HSD17B6: variants seen among roughly 807,000 people sequenced by gnomAD.
HSD17B6 encodes hydroxysteroid 17-beta dehydrogenase 6, also known as 17-beta-hydroxysteroid dehydrogenase type 6.
HSD17B6 carries 16 observed loss-of-function variants against 26.4 expected under a neutral mutation model. The observed-to-expected ratio is 0.61, with a 90% CI of 0.41 to 0.92. The LOEUF is 0.92. HSD17B6 is among the 40% of genes least tolerant of loss of function. The probability of loss-of-function intolerance (pLI) is 0.00; values close to 1 mark genes in which losing one functional copy is unlikely to be tolerated. For synonymous variants in HSD17B6, 139 were observed against 153.0 expected, an observed-to-expected ratio of 0.91 and a Z score of 0.68; for missense variants, 357 against 386.1, an observed-to-expected ratio of 0.92 and a Z score of 0.63.
chr12:56,769,505 T>A (rs956118067), intron 1 of HSD17B6, among the ~76,000 whole-genome samples: 2 of 152,150 alleles, frequency 1.3e-5, no homozygotes, highest in African/African-American at 4.8e-5. Flanking sequence ...CCTATGCATG[T>A]GTGATTATGA....
chr12:56,763,982 T>A (rs1416688726), intron 1 of HSD17B6, among the ~76,000 whole-genome samples: 3 of 139,316 alleles, frequency 2.2e-5, no homozygotes, highest in Non-Finnish European at 4.5e-5. Flanking sequence ...GGTGGGAGGA[T>A]CACCTGAGCC....
rs1331081069 is a variant in HSD17B6, at chr12:56,787,226, C to G, written c.838C>G (p.Arg280Gly). The G allele has an allele frequency of 8.7e-6, 14 of 1,614,116 alleles. No individual in the cohort carries two copies. In the South Asian group the frequency reaches 1.4e-4, roughly 16 times the overall value. ...TCTGACATCGGTGCATCCGCGAACTCGATATTCAGCTGGCTGGGATGCTAA... is the reference window on the plus strand; with the variant it reads ...TCTGACATCGGTGCATCCGCGAACTGGATATTCAGCTGGCTGGGATGCTAA... ...HALTSVHPRT[R>G]YSAGWDAKFF... Residue 280 changes from arginine to glycine, a missense_variant, in exon 5 of 5, where the codon CGA (arginine) becomes GGA (glycine). Arg to Gly is a moderately radical substitution (Grantham distance 125, BLOSUM62 -2). Transcript: ENST00000322165.
At chr12:56,775,834 G>A (rs371106797) in intron 2 of HSD17B6, among the ~76,000 whole-genome samples, 2 of 152,038 alleles carry the variant, frequency 1.3e-5, no homozygotes, top group Middle Eastern at 6.3e-3. Flanking sequence ...AAAGTCCCTC[G>A]TGCTTTACAT....
At chr12:56,779,455 AT>A (rs1215030129) in intron 2 of HSD17B6, among the ~76,000 whole-genome samples, 14 of 152,040 alleles carry the variant, frequency 9.2e-5, no homozygotes, top group Admixed American at 6.6e-5. Flanking sequence ...TTATGTTTGG[AT>A]TTATTTCTTT....
chr12:56,771,448 A>ATTTTTTTTTTTTTTTTT, intron 1 of HSD17B6, among the ~76,000 whole-genome samples: 1 of 93,328 alleles, frequency 1.1e-5, no homozygotes, highest in Non-Finnish European at 2.1e-5. Flanking sequence ...AAGGGTTGCA[A>ATTTTTTTTTTTTTTTTT]TTTTTTTTTT....
At chr12:56,782,578 C>A (rs1054238281) in intron 3 of HSD17B6, among the ~76,000 whole-genome samples, 2 of 152,104 alleles carry the variant, frequency 1.3e-5, no homozygotes, top group Non-Finnish European at 2.9e-5. Flanking sequence ...ATTGCAGCCT[C>A]AACCTCCTGG....
intron 1 of HSD17B6, among the ~76,000 whole-genome samples, chr12:56,765,653 A>G (rs1954310495): frequency 1.3e-5 from 2 of 148,760 alleles, no homozygotes; most frequent in African/African-American, 2.5e-5. Context: ...CTGGGACTAC[A>G]GGCACTCCCC....
rs377086431 is a variant in HSD17B6 at position 56,767,825 on chromosome 12, GTATA to G, written c.-20+4415_-20+4418del. Among the ~76,000 whole-genome samples, 53 of 145,966 alleles carry G rather than the reference GTATA, an allele frequency of 3.6e-4. 1 individual carries two copies. In the South Asian group the frequency reaches 0.011, roughly 29 times the overall value. On this transcript the variant is annotated intron_variant, in intron 1 of 4. Coordinates refer to ENST00000322165, the MANE Select transcript of HSD17B6 (RefSeq NM_003725.4). ...GTGTGTATATATAATATATATGTGT[GTATA>G]TATGTGTATATATAAAAATATATGT...
At chr12:56,777,709 T>G (rs1243658866) in intron 2 of HSD17B6, among the ~76,000 whole-genome samples, 1 of 152,130 alleles carries the variant, frequency 6.6e-6, no homozygotes, top group African/African-American at 2.4e-5. Flanking sequence ...ACTTGAAAAT[T>G]TACTGATTTG....
intron 1 of HSD17B6, among the ~76,000 whole-genome samples, chr12:56,768,724 C>A (rs571936045): frequency 1.2e-5 from 1 of 84,704 alleles, no homozygotes; most frequent in South Asian, 4.0e-4. Flanking sequence ...AGGGAGGAGT[C>A]AAATGGAGGC....
chr12:56,771,448 A>ATTTT (rs35374137), intron 1 of HSD17B6, among the ~76,000 whole-genome samples: 3 of 93,330 alleles, frequency 3.2e-5, no homozygotes, highest in Non-Finnish European at 6.4e-5. Context: ...AAGGGTTGCA[A>ATTTT]TTTTTTTTTT....
At chr12:56,766,488 T>C (rs1954332807) in intron 1 of HSD17B6, among the ~76,000 whole-genome samples, 1 of 152,196 alleles carries the variant, frequency 6.6e-6, no homozygotes, top group African/African-American at 2.4e-5. Flanking sequence ...CAAATCATAC[T>C]TCCTTCATTT....
At position 56,772,709 on chromosome 12, in the gene HSD17B6, A is replaced by G. The variant is rs1041550805; in HGVS notation, c.-19-1125A>G. 8.6e-5 allele frequency among the ~76,000 whole-genome samples: 10 copies of G among 116,472 alleles called. 1 individual carries two copies. Among genetic ancestry groups the G allele is most frequent in the African/African-American group, 4.4e-4 (10 of 22,880 alleles). The allele number at this position is 116,472 out of a possible 152,430, so 76.4% of individuals were successfully genotyped here. On this transcript the variant is annotated intron_variant, in intron 1 of 4. Transcript: ENST00000322165. ...TGAAACTCTGTCTCAAAAAAAAAAA[A>G]AAAAGAAAAAAAAAAGAGTGTTATT...
chr12:56,779,020 C>T (rs1954654547), intron 2 of HSD17B6, among the ~76,000 whole-genome samples: 2 of 152,034 alleles, frequency 1.3e-5, no homozygotes, highest in South Asian at 2.1e-4. Flanking sequence ...TTTTCTGTGT[C>T]TCTGTATTTT....
chr12:56,784,950 A>G lies in HSD17B6; in HGVS notation c.670A>G (p.Lys224Glu), dbSNP rs1954842870. The G allele has an allele frequency of 6.2e-7, 1 of 1,613,974 alleles. No homozygotes were observed. Among genetic ancestry groups the G allele is most frequent in the Non-Finnish European group, 8.5e-7 (1 of 1,180,016 alleles). ...CATGACACAGTCCTTAGAGCGAATGAAGCAAAGTTGGAAAGAAGCCCCCAA... is the reference window on the plus strand; with the variant it reads ...CATGACACAGTCCTTAGAGCGAATGGAGCAAAGTTGGAAAGAAGCCCCCAA... Reference protein sequence around the residue: ...TNMTQSLERMKQSWKEAPKHI... With the variant: ...TNMTQSLERMEQSWKEAPKHI... The change falls in exon 4 of 5, where the codon AAG (lysine) becomes GAG (glutamate). Residue 224 changes from lysine (K) to glutamate (E), a missense_variant. Transcript: ENST00000322165.
At chr12:56,783,342 GGGGCGGCTGGCCGGGC>G (rs1954774720) in intron 3 of HSD17B6, among the ~76,000 whole-genome samples, 1 of 134,878 alleles carries the variant, frequency 7.4e-6, no homozygotes, top group African/African-American at 2.8e-5. Flanking sequence ...CCTCCCGGAC[GGGGCGGCTGGCCGGGC>G]AGGGGGCTGA....
intron 1 of HSD17B6, among the ~76,000 whole-genome samples, chr12:56,773,380 C>T (rs755733241): frequency 6.6e-6 from 1 of 152,240 alleles, no homozygotes; most frequent in Non-Finnish European, 1.5e-5. Flanking sequence ...TGGCCCTTCA[C>T]TACCTCATCT....
intron 3 of HSD17B6, 37 bp downstream of exon 3, chr12:56,782,269 T>C (rs1218955808): frequency 6.3e-7 from 1 of 1,599,790 alleles, no homozygotes; most frequent in Non-Finnish European, 8.5e-7. Flanking sequence ...TATTGAGCAC[T>C]GAAATATGTC....
intron 1 of HSD17B6, among the ~76,000 whole-genome samples, chr12:56,765,061 G>A (rs1470393173): frequency 6.6e-6 from 1 of 152,074 alleles, no homozygotes; most frequent in Non-Finnish European, 1.5e-5. Flanking sequence ...CTGGCCTCAA[G>A]TGATCTGCCT....
Sources: allele counts gnomAD v4.1 joint callset (sites outside exome capture counted in the v4.1 genomes callset), GRCh38; gene constraint gnomAD v4.1.1; transcripts MANE v1.5; gene names NCBI Gene and HGNC (gene_info 2026-07-23, HGNC 2026-07-21).